CDH12: variants seen among roughly 807,000 people sequenced by gnomAD.
CDH12 encodes cadherin-12.
Under a neutral mutation model 74.1 loss-of-function variants are expected in CDH12, and 41 were observed. The ratio of observed to expected loss-of-function variants is 0.55; its 90% confidence interval spans 0.43 to 0.72. CDH12 has a LOEUF of 0.72. Among genes scored for constraint, CDH12 ranks in the 30% least tolerant of loss-of-function variants. The pLI is 0.00. For synonymous variants in CDH12, 399 were observed against 355.0 expected, an observed-to-expected ratio of 1.12 and a Z score of -1.39; for missense variants, 945 against 977.2, an observed-to-expected ratio of 0.97 and a Z score of 0.44.
chr5:22,423,871 C>T (rs1580633601), intron 2 of CDH12, among the ~76,000 whole-genome samples: 2 of 151,400 alleles, frequency 1.3e-5, no homozygotes, highest in African/African-American at 4.8e-5. Context: ...GGCGTGTTGG[C>T]GGGCGCCTGT....
intron 2 of CDH12, among the ~76,000 whole-genome samples, chr5:22,483,046 C>T (rs1052261864): frequency 2.0e-5 from 3 of 152,142 alleles, no homozygotes; most frequent in Non-Finnish European, 4.4e-5. Context: ...CCTCCCCCTT[C>T]TCTTCAACTA....
chr5:22,584,079 G>A (rs565378100), intron 1 of CDH12, among the ~76,000 whole-genome samples: 1,353 of 105,494 alleles, frequency 0.013, 14 homozygotes, highest in Middle Eastern at 0.031. Context: ...TATTGTTTGC[G>A]GAATTTATTT....
intron 5 of CDH12, among the ~76,000 whole-genome samples, chr5:22,072,703 C>T (rs1018125508): frequency 6.6e-6 from 1 of 151,994 alleles, no homozygotes; most frequent in African/African-American, 2.4e-5. Flanking sequence ...AGGTATATCT[C>T]CTAATGCTAT....
chr5:22,460,122 C>T (rs1216097523), intron 2 of CDH12, among the ~76,000 whole-genome samples: 2 of 151,858 alleles, frequency 1.3e-5, no homozygotes, highest in African/African-American at 4.8e-5. Context: ...ATATAAGCAG[C>T]TAGAAATATT....
At chr5:21,832,810 A>T (rs1441095688) in intron 8 of CDH12, among the ~76,000 whole-genome samples, 3 of 47,724 alleles carry the variant, frequency 6.3e-5, no homozygotes, top group Admixed American at 2.6e-4. Flanking sequence ...ATATTATCAT[A>T]TAATATATGA....
intron 14 of CDH12, among the ~76,000 whole-genome samples, chr5:21,754,331 C>T (rs988376511): frequency 6.6e-6 from 1 of 152,078 alleles, no homozygotes; most frequent in African/African-American, 2.4e-5. Flanking sequence ...GACTCAGCTA[C>T]AAGAGAAGAG....
At position 22,135,168 on chromosome 5, in the gene CDH12, C is replaced by T. The variant is rs186602900; in HGVS notation, c.-186-56306G>A. 3.5e-3 allele frequency among the ~76,000 whole-genome samples: 473 copies of T among 137,034 alleles called. 5 individuals are homozygous for T. The highest frequency in any genetic ancestry group is 0.012 in the African/African-American group (438 of 36,182). 89.9% of individuals were successfully genotyped at this position (137,034 alleles called of 152,430 possible). A position where few individuals can be genotyped will look rare whatever the true frequency, so the allele number is the denominator to read the frequency against. On this transcript the variant is annotated intron_variant, in intron 4 of 14. Transcript: ENST00000382254. The stretch of plus-strand genomic sequence containing the variant: ...AAGTGGATGCTGTGAGACTGTTTAA[C>T]GAAGAGCAGTTATTCACATTAAAGA...
intron 1 of CDH12, among the ~76,000 whole-genome samples, chr5:22,615,215 T>C (rs1389758448): frequency 1.3e-5 from 2 of 152,142 alleles, no homozygotes; most frequent in Non-Finnish European, 2.9e-5. Context: ...CCAGGGCTTC[T>C]TATTGCTTTT....
At chr5:22,611,996 TGAATTCTGAATG>T (rs1737428377) in intron 1 of CDH12, among the ~76,000 whole-genome samples, 2 of 152,182 alleles carry the variant, frequency 1.3e-5, no homozygotes, top group African/African-American at 4.8e-5. Flanking sequence ...TTCATGGCAT[TGAATTCTGAATG>T]GAATTCGGGC....
chr5:22,301,967 C>A (rs1188141652), intron 3 of CDH12, among the ~76,000 whole-genome samples: 1 of 151,242 alleles, frequency 6.6e-6, no homozygotes, highest in Non-Finnish European at 1.5e-5. Context: ...CTGCTCCCAG[C>A]CCATCTACTT....
At chr5:21,975,539 G>C (rs372755206) in intron 5 of CDH12, among the ~76,000 whole-genome samples, 154 bp from the exon 6 acceptor site, 1 of 152,140 alleles carries the variant, frequency 6.6e-6, no homozygotes, top group Non-Finnish European at 1.5e-5. Context: ...CTGTTTTCTC[G>C]TTTTTTATTT....
At chr5:21,832,431 C>G (rs567590755) in intron 8 of CDH12, among the ~76,000 whole-genome samples, 125 of 152,104 alleles carry the variant, frequency 8.2e-4, no homozygotes, top group African/African-American at 2.8e-3. Flanking sequence ...ATAGGAGAAT[C>G]TGGAGCACAG....
At chr5:21,819,670 T>A (rs1438518196) in intron 8 of CDH12, among the ~76,000 whole-genome samples, 1 of 152,020 alleles carries the variant, frequency 6.6e-6, no homozygotes, top group Admixed American at 6.6e-5. Flanking sequence ...TTAGGACATT[T>A]AGTAGGAAAC....
At chr5:22,742,415 T>C (rs1451740370) in intron 1 of CDH12, among the ~76,000 whole-genome samples, 4 of 152,094 alleles carry the variant, frequency 2.6e-5, no homozygotes, top group Non-Finnish European at 4.4e-5. Context: ...TAAGACCACA[T>C]GGCTTGCTCT....
intron 1 of CDH12, among the ~76,000 whole-genome samples, chr5:22,837,119 T>C (rs766227841): frequency 3.2e-4 from 48 of 152,230 alleles, no homozygotes; most frequent in Non-Finnish European, 5.9e-4. Flanking sequence ...TCAAATTCAC[T>C]ATAAAATAAT....
At chr5:22,760,808 G>A (rs936546850) in intron 1 of CDH12, among the ~76,000 whole-genome samples, 2 of 151,758 alleles carry the variant, frequency 1.3e-5, no homozygotes, top group African/African-American at 4.8e-5. Context: ...AGTGTAGTGT[G>A]CAATTGAGTA....
At chr5:22,167,763 G>C (rs1748769584) in intron 4 of CDH12, among the ~76,000 whole-genome samples, 1 of 151,994 alleles carries the variant, frequency 6.6e-6, no homozygotes, top group African/African-American at 2.4e-5. Context: ...GATGTACTAT[G>C]TCTGTGACTC....
chr5:22,126,000 TG>T (rs70957092), intron 4 of CDH12, among the ~76,000 whole-genome samples: 276 of 131,252 alleles, frequency 2.1e-3, no homozygotes, highest in African/African-American at 6.9e-3. Context: ...TCATTCATTT[TG>T]GGGGGGGGAC....
At chr5:22,116,059 T>A (rs1745081716) in intron 4 of CDH12, among the ~76,000 whole-genome samples, 1 of 152,190 alleles carries the variant, frequency 6.6e-6, no homozygotes, top group African/African-American at 2.4e-5. Context: ...TAAGTGATTT[T>A]GCAGATGTAA....
Sources: gnomAD v4.1 joint callset for allele counts (sites outside exome capture counted in the v4.1 genomes callset) on GRCh38, gnomAD v4.1.1 for gene constraint, MANE v1.5 for transcripts, NCBI Gene and HGNC (gene_info 2026-07-23, HGNC 2026-07-21) for gene names.